Variants in SRGAP3 observed in about 807,000 individuals in gnomAD.
SRGAP3 encodes SLIT-ROBO Rho GTPase activating protein 3, also known as SLIT-ROBO Rho GTPase-activating protein 3.
Under a neutral mutation model 121.1 loss-of-function variants are expected in SRGAP3, and 39 were observed. That is an observed-to-expected ratio of 0.32 (90% CI 0.25 to 0.42). The LOEUF (loss-of-function observed/expected upper bound fraction) is 0.42, where lower values mean the gene tolerates loss of function less well. Ranked by LOEUF, SRGAP3 falls within the 10% of genes least tolerant of loss-of-function variation. The probability of loss-of-function intolerance (pLI) is 1.00; values close to 1 mark genes in which losing one functional copy is unlikely to be tolerated. For missense variants in SRGAP3, 1,213 were observed against 1,470.6 expected, an observed-to-expected ratio of 0.82 and a Z score of 2.86; for synonymous variants, 601 against 570.0, an observed-to-expected ratio of 1.05 and a Z score of -0.77.
rs78826198 is a variant in SRGAP3 at position 9,146,460 on chromosome 3, T to C, written c.68-21543A>G. Among the ~76,000 whole-genome samples, 451 of 152,282 alleles carry C rather than the reference T, an allele frequency of 3.0e-3. 1 individual carries two copies. Among genetic ancestry groups the C allele is most frequent in the African/African-American group, 9.2e-3 (383 of 41,552 alleles). On this transcript the variant is annotated intron_variant, in intron 1 of 21. Coordinates refer to ENST00000383836, the MANE Select transcript of SRGAP3 (RefSeq NM_014850.4). Reference sequence around the variant, plus strand: ...CAGGTAACCCCAGCATCAATTTCTATAACTGATTTCAAAAATTAATGAAAA... The same window carrying C: ...CAGGTAACCCCAGCATCAATTTCTACAACTGATTTCAAAAATTAATGAAAA...
intron 3 of SRGAP3, among the ~76,000 whole-genome samples, chr3:9,274,981 A>T (rs1954544380): frequency 6.6e-6 from 1 of 152,044 alleles, no homozygotes; most frequent in African/African-American, 2.4e-5. Flanking sequence ...AAAAGGCAAC[A>T]TTCAAGCAGG....
chr3:9,197,181 C>T (rs567968120), intron 1 of SRGAP3, among the ~76,000 whole-genome samples: 2 of 152,330 alleles, frequency 1.3e-5, no homozygotes, highest in South Asian at 4.1e-4. Flanking sequence ...AAATCTGTCA[C>T]CCCTGAATTC....
At chr3:9,007,522 G>GC (rs1943141547) in intron 18 of SRGAP3, 1 of 152,174 alleles carries the variant, frequency 6.6e-6, no homozygotes. Context: ...GGTTCTGGTT[G>GC]CCAATGACCA....
intron 1 of SRGAP3, among the ~76,000 whole-genome samples, chr3:9,192,120 G>C (rs1560385720): frequency 6.6e-6 from 1 of 152,200 alleles, no homozygotes. Context: ...TCGTGGATGT[G>C]AGGTATGCAA....
intron 3 of SRGAP3, among the ~76,000 whole-genome samples, chr3:9,308,641 A>T (rs1955195736): frequency 6.6e-6 from 1 of 152,184 alleles, no homozygotes; most frequent in Non-Finnish European, 1.5e-5. Flanking sequence ...CAGCTTGGGA[A>T]CTTATGCTGA....
At position 9,029,753 on chromosome 3, in the gene SRGAP3, T is replaced by C. The variant is rs112632849; in HGVS notation, c.1540-2758A>G. Among the ~76,000 whole-genome samples the C allele has an allele frequency of 1.5e-3, 236 of 152,346 alleles. 2 individuals carry two copies. The highest frequency in any genetic ancestry group is 5.3e-3 in the African/African-American group (221 of 41,578). On this transcript the variant is annotated intron_variant, in intron 12 of 21. Coordinates refer to ENST00000383836, the MANE Select transcript of SRGAP3 (RefSeq NM_014850.4). ...AATCTTTCACAGTAAAACTGTGCTG[T>C]AAAACATTGACCACTTAGCTCATAG...
chr3:9,096,130 T>C (rs1947957339), intron 3 of SRGAP3, among the ~76,000 whole-genome samples: 2 of 152,162 alleles, frequency 1.3e-5, no homozygotes, highest in African/African-American at 2.4e-5. Context: ...ATTGTCTTAA[T>C]TTTCTTATTA....
At chr3:9,339,440 A>G (rs776409389) in intron 1 of SRGAP3, among the ~76,000 whole-genome samples, 1 of 152,190 alleles carries the variant, frequency 6.6e-6, no homozygotes, top group Non-Finnish European at 1.5e-5. Flanking sequence ...GACTCAATAA[A>G]CACTAGTTCC....
At chr3:9,323,802 C>T (rs200176092) in intron 3 of SRGAP3, among the ~76,000 whole-genome samples, 7 of 81,410 alleles carry the variant, frequency 8.6e-5, no homozygotes, top group East Asian at 1.2e-3. Context: ...GTATCTAACA[C>T]ACACACACAC....
intron 1 of SRGAP3, among the ~76,000 whole-genome samples, chr3:9,191,460 T>C: frequency 6.6e-6 from 1 of 152,166 alleles, no homozygotes; most frequent in East Asian, 1.9e-4. Flanking sequence ...AATCCACAAA[T>C]TACGGCACGC....
chr3:9,147,069 T>G (rs967322306), intron 1 of SRGAP3, among the ~76,000 whole-genome samples: 8 of 152,080 alleles, frequency 5.3e-5, no homozygotes, highest in Admixed American at 3.9e-4. Flanking sequence ...ATCTGTTACT[T>G]CTAAAACTTT....
At position 9,104,853 on chromosome 3, in the gene SRGAP3, C is replaced by A; in HGVS notation, c.261-11G>T. On this transcript the variant is annotated splice_polypyrimidine_tract_variant and intron_variant, in intron 2 of 21. Coordinates refer to ENST00000383836, the MANE Select transcript of SRGAP3 (RefSeq NM_014850.4). ...AGGTACTGGTCCTTCCTGTGGAAAC[C>A]AAGAAAGCTCAGGTTGGCTACATTG... The A allele has an allele frequency of 6.2e-7, 1 of 1,614,096 alleles. No individual in the cohort carries two copies. Among genetic ancestry groups the A allele is most frequent in the South Asian group, 1.1e-5 (1 of 91,038 alleles).
At chr3:9,287,498 G>A (rs1377494389) in intron 3 of SRGAP3, among the ~76,000 whole-genome samples, 2 of 152,134 alleles carry the variant, frequency 1.3e-5, no homozygotes, top group Non-Finnish European at 2.9e-5. Flanking sequence ...CTTAGCATAT[G>A]TAAGATATTT....
chr3:9,314,134 G>C lies in SRGAP3; in HGVS notation n.442+11876C>G, dbSNP rs79000590. 7.7e-3 allele frequency among the ~76,000 whole-genome samples: 1,178 copies of C among 152,334 alleles called. 11 individuals are homozygous for C. Among genetic ancestry groups the C allele is most frequent in the African/African-American group, 0.025 (1,023 of 41,572 alleles). On this transcript the variant is annotated intron_variant and non_coding_transcript_variant, in intron 3 of 3. Coordinates refer to the SRGAP3 transcript ENST00000490889. ...TGCCTGGAATAGCACTTGATAAATA[G>C]CTATTGAATGAATGAATAAAAATAC...
At chr3:9,014,382 G>A (rs562687350) in intron 15 of SRGAP3, 1 of 172,770 alleles carries the variant, frequency 5.8e-6, no homozygotes, top group East Asian at 1.4e-4. Context: ...ACAAACACCA[G>A]CTGCAGCACA....
chr3:9,204,948 A>G (rs1952211774), intron 1 of SRGAP3, among the ~76,000 whole-genome samples: 1 of 152,028 alleles, frequency 6.6e-6, no homozygotes, highest in Admixed American at 6.5e-5. Flanking sequence ...GGCCTATTCT[A>G]CTCTTGGCTT....
intron 1 of SRGAP3, among the ~76,000 whole-genome samples, chr3:9,186,926 G>A (rs1031716591): frequency 3.3e-5 from 5 of 152,040 alleles, no homozygotes; most frequent in Admixed American, 6.6e-5. Context: ...GTCTCCCCAC[G>A]TTCTTACTTT....
rs1188492306 is a variant in SRGAP3, at chr3:8,980,949, C to T, written c.*4570G>A. 4.3e-6 allele frequency: 1 copy of T among 233,370 alleles called. No individual in the cohort carries two copies. Among genetic ancestry groups the T allele is most frequent in the East Asian group, 6.0e-5 (1 of 16,560 alleles). 14.5% of individuals were successfully genotyped at this position (233,370 alleles called of 1,614,324 possible). On this transcript the variant is annotated 3_prime_UTR_variant, in exon 22 of 22. Transcript: ENST00000383836. ...CCTGGGCAGAAACCCTAGCCAGGAT[C>T]TACTTCCGTCTAAGGAAGGAAAAGT...
At chr3:9,106,273 T>G (rs1948415957) in intron 2 of SRGAP3, among the ~76,000 whole-genome samples, 1 of 152,252 alleles carries the variant, frequency 6.6e-6, no homozygotes, top group Non-Finnish European at 1.5e-5. Flanking sequence ...TCTTGCCCTC[T>G]GACCCAGGGT....
Sources: gnomAD v4.1 joint callset for allele counts (sites outside exome capture counted in the v4.1 genomes callset) on GRCh38, gnomAD v4.1.1 for gene constraint, MANE v1.5 for transcripts, NCBI Gene and HGNC (gene_info 2026-07-23, HGNC 2026-07-21) for gene names.